The following MGAT4D variants were observed in gnomAD, a reference collection of about 807,000 sequenced individuals.
The protein encoded by MGAT4D is alpha-1,3-mannosyl-glycoprotein 4-beta-N-acetylglucosaminyltransferase-like protein MGAT4D.
Under a neutral mutation model 15.9 loss-of-function variants are expected in MGAT4D, and 34 were observed. The observed-to-expected ratio is 2.14, with a 90% CI of 1.62 to 2.84. The LOEUF (loss-of-function observed/expected upper bound fraction) is 2.84. Ranked by LOEUF, MGAT4D falls within the 30% of genes most tolerant of loss-of-function variation. The pLI is 0.00. For synonymous variants in MGAT4D, 112 were observed against 48.2 expected, an observed-to-expected ratio of 2.33 and a Z score of -5.49; for missense variants, 327 against 140.2, an observed-to-expected ratio of 2.33 and a Z score of -6.73.
chr4:140,467,527 C>G (rs1731620557), intron 5 of MGAT4D, among the ~76,000 whole-genome samples: 1 of 152,046 alleles, frequency 6.6e-6, no homozygotes, highest in Non-Finnish European at 1.5e-5. Flanking sequence ...ATATAATTCC[C>G]CAGTCATGTT....
intron 6 of MGAT4D, among the ~76,000 whole-genome samples, chr4:140,464,415 T>C (rs1455436350): frequency 6.6e-6 from 1 of 152,198 alleles, no homozygotes; most frequent in African/African-American, 2.4e-5. Context: ...GCAATATAGG[T>C]GTCATTATAC....
chr4:140,461,669 A>G (rs1358118678), intron 7 of MGAT4D, among the ~76,000 whole-genome samples: 1 of 152,166 alleles, frequency 6.6e-6, no homozygotes, highest in Non-Finnish European at 1.5e-5. Flanking sequence ...TCAGGTAACT[A>G]TAATTTTCTC....
At chr4:140,446,275 T>G (rs1730115635) in intron 10 of MGAT4D, among the ~76,000 whole-genome samples, 1 of 152,186 alleles carries the variant, frequency 6.6e-6, no homozygotes, top group South Asian at 2.1e-4. Context: ...CTAATAGAAT[T>G]TGGCTGTGAA....
At chr4:140,458,167 C>T (rs1245579177) in intron 8 of MGAT4D, 3 of 152,114 alleles carry the variant, frequency 2.0e-5, no homozygotes, top group South Asian at 2.1e-4. Flanking sequence ...CTCTAGGGGA[C>T]ATATATGTCA....
chr4:140,480,608 C>T (rs1184406758), intron 2 of MGAT4D, among the ~76,000 whole-genome samples: 2 of 151,946 alleles, frequency 1.3e-5, no homozygotes, highest in African/African-American at 2.4e-5. Context: ...GATATGTATC[C>T]AGGATAATAT....
chr4:140,496,135 A>G (rs537200099), intron 1 of MGAT4D, among the ~76,000 whole-genome samples: 3 of 152,314 alleles, frequency 2.0e-5, no homozygotes, highest in South Asian at 2.1e-4. Flanking sequence ...AGGAATGACA[A>G]CTATAGATTA....
At chr4:140,453,624 G>C (rs188192324) in intron 9 of MGAT4D, among the ~76,000 whole-genome samples, 13 of 152,164 alleles carry the variant, frequency 8.5e-5, no homozygotes, top group African/African-American at 3.1e-4. Context: ...GGTGAGAGGT[G>C]ATTGGATCAT....
At chr4:140,469,745 G>C (rs1025600476) in intron 5 of MGAT4D, among the ~76,000 whole-genome samples, 34 of 152,156 alleles carry the variant, frequency 2.2e-4, no homozygotes, top group Non-Finnish European at 3.5e-4. Flanking sequence ...TGCATTCAGG[G>C]TTTTTTGTTT....
intron 5 of MGAT4D, among the ~76,000 whole-genome samples, chr4:140,465,512 C>T (rs541714240): frequency 3.3e-5 from 5 of 152,078 alleles, no homozygotes; most frequent in Admixed American, 6.5e-5. Context: ...TATTTTTAAA[C>T]GTTAATGTGA....
At chr4:140,488,464 A>G (rs1007278146) in intron 1 of MGAT4D, among the ~76,000 whole-genome samples, 1 of 152,228 alleles carries the variant, frequency 6.6e-6, no homozygotes, top group Non-Finnish European at 1.5e-5. Context: ...TAATTATAAT[A>G]TATTGTTAAA....
At chr4:140,468,466 A>G (rs1731693736) in intron 5 of MGAT4D, among the ~76,000 whole-genome samples, 1 of 152,186 alleles carries the variant, frequency 6.6e-6, no homozygotes, top group Non-Finnish European at 1.5e-5. Context: ...TCATATCTTC[A>G]GGAATTGTTT....
chr4:140,489,677 GA>G (rs978291287), intron 1 of MGAT4D, among the ~76,000 whole-genome samples: 3 of 151,998 alleles, frequency 2.0e-5, no homozygotes, highest in African/African-American at 7.3e-5. Flanking sequence ...TTATATTGAC[GA>G]ATCAAGCTGT....
chr4:140,475,802 GCTTT>G (rs1309397309), intron 3 of MGAT4D, among the ~76,000 whole-genome samples: 28 of 147,098 alleles, frequency 1.9e-4, no homozygotes, highest in African/African-American at 6.8e-4. Context: ...ATGTTTATTG[GCTTT>G]CTTTTTTTTT....
Position 140,444,757 on chromosome 4 carries a change from A to C in MGAT4D, c.1117-1313T>G, listed in dbSNP as rs148616512. 1.7e-4 allele frequency among the ~76,000 whole-genome samples: 26 copies of C among 152,250 alleles called. No individual in the cohort carries two copies. In the East Asian group the frequency reaches 5.0e-3, roughly 29 times the overall value. On this transcript the variant is annotated intron_variant, in intron 10 of 10. Transcript: ENST00000511113. ...TAATGGGATTGTTGGGTCAAATGAT[A>C]GTTCTGTTTTTAGTTATTTGAGGAA...
At position 140,461,941 on chromosome 4, in the gene MGAT4D, C is replaced by T; in HGVS notation, c.750G>A (p.Lys250=). ...ILLLYAQPKA[K]YYLQLEDDII... is the part of the protein sequence containing the mutation. Reference sequence around the variant, plus strand: ...CACAATTTCTGACCTGTAAATAATACTTGGCCTTGGGTTGGGCATACAGCA... The same window carrying T: ...CACAATTTCTGACCTGTAAATAATATTTGGCCTTGGGTTGGGCATACAGCA... Residue 250 remains lysine (K), a synonymous_variant, in exon 7 of 11, where the codon AAG becomes AAA. Coordinates refer to ENST00000511113, the MANE Select transcript of MGAT4D (RefSeq NM_001277353.2). 1.4e-6 allele frequency: 1 copy of T among 697,564 alleles called. No individual in the cohort carries two copies. The highest frequency in any genetic ancestry group is 1.5e-5 in the South Asian group (1 of 66,766). The allele number at this position is 697,564 out of a possible 1,614,324, so 43.2% of individuals were successfully genotyped here. A position where few individuals can be genotyped will look rare whatever the true frequency, so the allele number is the denominator to read the frequency against.
chr4:140,494,940 T>A lies in MGAT4D; in HGVS notation c.94+3189A>T, dbSNP rs139076400. On this transcript the variant is annotated intron_variant, in intron 1 of 10. Transcript: ENST00000511113. ...GTTTAAATTAAAAATTCTTGGAGCA[T>A]CCCGCAATTCTCTTCTTTCTTTCAT... Among the ~76,000 whole-genome samples, 9 of 152,350 alleles carry A rather than the reference T, an allele frequency of 5.9e-5. No individual in the cohort carries two copies. The East Asian group carries it at 1.7e-3, about 29-fold the overall frequency.
At chr4:140,448,962 A>G (rs911263305) in intron 10 of MGAT4D, among the ~76,000 whole-genome samples, 1 of 152,250 alleles carries the variant, frequency 6.6e-6, no homozygotes, top group African/African-American at 2.4e-5. Context: ...ACATGAAAAA[A>G]AGTCGTTGTT....
At chr4:140,468,290 A>G (rs929332006) in intron 5 of MGAT4D, among the ~76,000 whole-genome samples, 3 of 152,148 alleles carry the variant, frequency 2.0e-5, no homozygotes, top group African/African-American at 7.2e-5. Context: ...TTTCAATTCT[A>G]ACTACAATAC....
intron 5 of MGAT4D, among the ~76,000 whole-genome samples, chr4:140,470,429 C>T (rs1319555394): frequency 6.6e-6 from 1 of 152,200 alleles, no homozygotes; most frequent in Non-Finnish European, 1.5e-5. Flanking sequence ...CAAAGCAAAA[C>T]ACTTTACTGG....
Sources: gnomAD v4.1 joint callset for allele counts (sites outside exome capture counted in the v4.1 genomes callset) on GRCh38, gnomAD v4.1.1 for gene constraint, MANE v1.5 for transcripts, NCBI Gene and HGNC (gene_info 2026-07-23, HGNC 2026-07-21) for gene names.